The following XPA variants were observed in gnomAD, a reference collection of about 807,000 sequenced individuals.
The protein encoded by XPA is XPA, DNA damage recognition and repair factor.
A neutral mutation model predicts 35.7 loss-of-function variants in XPA; 27 were observed. That is an observed-to-expected ratio of 0.76 (90% confidence interval 0.56 to 1.04). The LOEUF is 1.04. XPA is among the 50% of genes least tolerant of loss of function. XPA has a pLI of 0.00. For synonymous variants in XPA, 133 were observed against 118.4 expected, an observed-to-expected ratio of 1.12 and a Z score of -0.80; for missense variants, 354 against 342.7, an observed-to-expected ratio of 1.03 and a Z score of -0.26.
chr9:97,668,811 AT>A, the XPA span: 1 of 1,601,790 alleles, frequency 6.2e-7, no homozygotes, highest in East Asian at 2.2e-5. Context: ...TGGAATCTAA[AT>A]GGTATTTTCC....
the XPA span, among the ~76,000 whole-genome samples, chr9:97,656,278 A>G: frequency 6.6e-6 from 1 of 152,238 alleles, no homozygotes; most frequent in Non-Finnish European, 1.5e-5. Context: ...TTAAGCCAAT[A>G]AGTTCTTTTA....
chr9:97,669,918 A>C (rs963339976), downstream of XPA: 161 of 508,596 alleles, frequency 3.2e-4, no homozygotes, highest in African/African-American at 1.0e-3. Flanking sequence ...CCCCCCAACA[A>C]CCCCCCGCCC....
downstream of XPA, among the ~76,000 whole-genome samples, chr9:97,670,761 G>T (rs977923828): frequency 6.6e-6 from 1 of 152,184 alleles, no homozygotes; most frequent in Non-Finnish European, 1.5e-5. Context: ...CCCTGACTGG[G>T]GAGAGAGCTA....
chr9:97,669,932 CT>C (rs199830878), downstream of XPA: 2,237 of 550,632 alleles, frequency 4.1e-3, 45 homozygotes, highest in African/African-American at 0.039. Flanking sequence ...CCCGCCCCAC[CT>C]TTTTTTTGAG....
chr9:97,696,989 C>A, intron 1 of XPA, 132 bp downstream of exon 1: 2 of 1,219,154 alleles, frequency 1.6e-6, no homozygotes, highest in South Asian at 3.3e-5. Context: ...CTCTCCGACT[C>A]GGGGAGAATC....
At chr9:97,678,941 T>C (rs1357561684) in intron 5 of XPA, among the ~76,000 whole-genome samples, 1 of 152,162 alleles carries the variant, frequency 6.6e-6, no homozygotes, top group Non-Finnish European at 1.5e-5. Context: ...AAAATGTCAA[T>C]GTCATAAAAA....
chr9:97,683,481 T>C (rs1372499508), intron 5 of XPA, among the ~76,000 whole-genome samples: 1 of 152,150 alleles, frequency 6.6e-6, no homozygotes, highest in Non-Finnish European at 1.5e-5. Context: ...TGCCTTACCT[T>C]GTGATTCAGG....
chr9:97,691,884 T>C (rs1828899317), intron 2 of XPA, among the ~76,000 whole-genome samples: 1 of 66,398 alleles, frequency 1.5e-5, no homozygotes, highest in Non-Finnish European at 2.8e-5. Context: ...TCTTTCTAAA[T>C]AAATATATAT....
the XPA span, chr9:97,668,826 T>C: frequency 1.3e-4 from 213 of 1,606,674 alleles, no homozygotes; most frequent in African/African-American, 2.6e-3. Context: ...ATTTTCCTTT[T>C]GTTCATTTGC....
At chr9:97,690,154 G>A (rs1437665526) in intron 2 of XPA, among the ~76,000 whole-genome samples, 1 of 152,114 alleles carries the variant, frequency 6.6e-6, no homozygotes, top group Non-Finnish European at 1.5e-5. Context: ...CTTCTCACAC[G>A]GCATCACCCA....
At chr9:97,659,263 T>C in the XPA span, among the ~76,000 whole-genome samples, 9 of 152,388 alleles carry the variant, frequency 5.9e-5, no homozygotes, top group Non-Finnish European at 1.2e-4. Flanking sequence ...TAAAGTATTA[T>C]ACATTGTTGA....
chr9:97,670,978 T>C, downstream of XPA: 1 of 619,682 alleles, frequency 1.6e-6, no homozygotes, highest in Non-Finnish European at 2.8e-6. Flanking sequence ...TTTTTCCCCT[T>C]CCTCTTTTCA....
intron 5 of XPA, among the ~76,000 whole-genome samples, chr9:97,684,540 G>C (rs566532144): frequency 6.6e-6 from 1 of 152,150 alleles, no homozygotes; most frequent in African/African-American, 2.4e-5. Flanking sequence ...TAAGACTTAG[G>C]GCATGGCTTT....
intron 2 of XPA, 61 bp from the exon 3 acceptor site, chr9:97,689,700 C>A: frequency 1.0e-6 from 1 of 986,188 alleles, no homozygotes; most frequent in Non-Finnish European, 1.6e-6. Context: ...ATATTTTCCT[C>A]TATTTTATTA....
intron 4 of XPA, among the ~76,000 whole-genome samples, chr9:97,685,320 G>A (rs1587744688): frequency 6.6e-6 from 1 of 152,122 alleles, no homozygotes; most frequent in Non-Finnish European, 1.5e-5. Flanking sequence ...AAAAGTACAC[G>A]TGGTCAGTGA....
chr9:97,665,614 C>G, the XPA span, among the ~76,000 whole-genome samples: 1 of 152,194 alleles, frequency 6.6e-6, no homozygotes, highest in African/African-American at 2.4e-5. Context: ...TGTCCTGTTT[C>G]CTAACATTCT....
At position 97,684,970 on chromosome 9, in the gene XPA, T is replaced by G. The variant is rs2131393265; in HGVS notation, c.626A>C (p.Glu209Ala). ...ALEEAKEVRQ[E>A]NREKMKQKKF... ...CTTCTGTTTCATTTTTTCTCGGTTT[T>G]CCTGTCGGACTTCCTTTGCTTCTTC... Residue 209 changes from glutamate to alanine, a missense_variant, in exon 5 of 6, where the codon GAA becomes GCA. Coordinates refer to ENST00000375128, the MANE Select transcript of XPA (RefSeq NM_000380.4). The G allele has an allele frequency of 6.2e-7, 1 of 1,613,806 alleles. No homozygotes were observed. Among genetic ancestry groups the G allele is most frequent in the East Asian group, 2.2e-5 (1 of 44,828 alleles).
chr9:97,662,245 T>A, the XPA span: 1 of 856,508 alleles, frequency 1.2e-6, no homozygotes, highest in African/African-American at 1.7e-5. Flanking sequence ...TATGAAGATC[T>A]TAATAGTGTA....
At chr9:97,660,908 T>G in the XPA span, 2,925 of 1,573,896 alleles carry the variant, frequency 1.9e-3, 51 homozygotes, top group African/African-American at 0.036. Context: ...TCTTGAAACC[T>G]GATCTGTCAT....
Sources: allele counts gnomAD v4.1 joint callset (sites outside exome capture counted in the v4.1 genomes callset), GRCh38; gene constraint gnomAD v4.1.1; transcripts MANE v1.5; gene names NCBI Gene and HGNC (gene_info 2026-07-23, HGNC 2026-07-21).